Variants in CAST observed in about 807,000 individuals in gnomAD.
CAST encodes the protein MIR583 host.
CAST carries 76 observed loss-of-function variants against 119.6 expected under a neutral mutation model. The ratio of observed to expected loss-of-function variants is 0.64; its 90% CI spans 0.53 to 0.77. The LOEUF is 0.77. Ranked by LOEUF, CAST falls within the 30% of genes least tolerant of loss-of-function variation. CAST has a pLI of 0.00. For synonymous variants in CAST, 319 were observed against 331.6 expected (o/e 0.96, Z 0.41); for missense variants, 953 against 946.5 (o/e 1.01, Z -0.09).
chr5:96,203,157 T>TA, the CAST span, among the ~76,000 whole-genome samples: 1 of 151,986 alleles, frequency 6.6e-6, no homozygotes, highest in Non-Finnish European at 1.5e-5. Flanking sequence ...CTTTTTTTTT[T>TA]ACATAATATA....
the CAST span, among the ~76,000 whole-genome samples, chr5:96,164,135 C>T: frequency 6.6e-6 from 1 of 152,146 alleles, no homozygotes; most frequent in African/African-American, 2.4e-5. Context: ...GTTCTCTACG[C>T]TCTCTCTCAC....
the CAST span, among the ~76,000 whole-genome samples, chr5:96,326,694 C>CTTTTT: frequency 2.7e-5 from 2 of 74,170 alleles, no homozygotes; most frequent in African/African-American, 4.9e-5. Flanking sequence ...TATGGCTTTT[C>CTTTTT]ATTTTTTTTT....
At chr5:95,971,917 G>A in the CAST span, among the ~76,000 whole-genome samples, 1 of 151,226 alleles carries the variant, frequency 6.6e-6, no homozygotes, top group East Asian at 1.9e-4. Context: ...ATTCACAAAT[G>A]GTTTTTATGT....
At chr5:96,425,563 T>G in the CAST span, among the ~76,000 whole-genome samples, 36 of 152,194 alleles carry the variant, frequency 2.4e-4, no homozygotes, top group Non-Finnish European at 4.1e-4. Context: ...TCTGCATTTA[T>G]CCCAAATAAA....
At chr5:96,542,308 C>CAAAAA (rs759173589) in intron 1 of CAST, among the ~76,000 whole-genome samples, 5 of 37,092 alleles carry the variant, frequency 1.3e-4, no homozygotes, top group African/African-American at 3.9e-4. Context: ...GACTTAGTCT[C>CAAAAA]AAAAAAAAAA....
the CAST span, among the ~76,000 whole-genome samples, chr5:96,151,794 A>C: frequency 6.6e-6 from 1 of 152,234 alleles, no homozygotes; most frequent in African/African-American, 2.4e-5. Context: ...AAACAGGATA[A>C]ATGCCTCCTT....
the CAST span, among the ~76,000 whole-genome samples, chr5:96,027,003 G>A: frequency 6.6e-6 from 1 of 152,068 alleles, no homozygotes; most frequent in Non-Finnish European, 1.5e-5. Context: ...TTGAGGCCAA[G>A]AGTTTGAGAC....
At chr5:96,690,177 G>C (rs993958735) in intron 2 of CAST, among the ~76,000 whole-genome samples, 5 of 152,072 alleles carry the variant, frequency 3.3e-5, no homozygotes, top group African/African-American at 1.2e-4. Flanking sequence ...CACCATAGTG[G>C]GTGTTATTAA....
chr5:96,190,412 C>G, the CAST span, among the ~76,000 whole-genome samples: 15,576 of 152,154 alleles, frequency 0.1, 1,057 homozygotes, highest in East Asian at 0.21. Flanking sequence ...CTCCCTGACT[C>G]TGCCTGCCCA....
At chr5:96,025,011 G>C in the CAST span, among the ~76,000 whole-genome samples, 2 of 152,112 alleles carry the variant, frequency 1.3e-5, no homozygotes, top group Admixed American at 6.5e-5. Flanking sequence ...CTGAGTCTCA[G>C]TAAGATTTCT....
the CAST span, among the ~76,000 whole-genome samples, chr5:96,511,874 C>T: frequency 6.8e-3 from 1,030 of 152,358 alleles, 9 homozygotes; most frequent in African/African-American, 0.023. Flanking sequence ...AGCAGAGAAA[C>T]GAAGTCCTTC....
At chr5:96,432,138 C>G in the CAST span, 9 of 1,535,616 alleles carry the variant, frequency 5.9e-6, no homozygotes, top group Middle Eastern at 1.7e-4. Context: ...TTCGGCATCT[C>G]GACCCTGCAG....
In CAST at chr5:96,677,622, G is replaced by A. The variant is rs116516005; in HGVS notation, c.138+2021G>A. Among the ~76,000 whole-genome samples the A allele has an allele frequency of 1.6e-3, 246 of 152,232 alleles. 1 individual carries two copies. Among genetic ancestry groups the A allele is most frequent in the African/African-American group, 5.2e-3 (215 of 41,538 alleles). ...AGCAATTCTGACATTGTTTTATTAC[G>A]TTTCTGGTAAATTCACATTCATGAC... On this transcript the variant is annotated intron_variant, in intron 2 of 31. Coordinates refer to ENST00000675179, the MANE Select transcript of CAST (RefSeq NM_001750.7).
the CAST span, among the ~76,000 whole-genome samples, chr5:96,282,999 G>A: frequency 1.3e-5 from 2 of 150,628 alleles, no homozygotes; most frequent in African/African-American, 4.9e-5. Context: ...GCGTGATGGC[G>A]GGCGCCTGTA....
intron 1 of CAST, among the ~76,000 whole-genome samples, chr5:96,586,665 A>G (rs1366633468): frequency 6.6e-6 from 1 of 152,270 alleles, no homozygotes; most frequent in Non-Finnish European, 1.5e-5. Flanking sequence ...AAGTATTTCC[A>G]AAGGCAGCCA....
chr5:96,040,522 C>G, the CAST span, among the ~76,000 whole-genome samples: 1 of 152,054 alleles, frequency 6.6e-6, no homozygotes, highest in African/African-American at 2.4e-5. Flanking sequence ...TCCTAAATAG[C>G]TCTTTTTATT....
intron 1 of CAST, among the ~76,000 whole-genome samples, chr5:96,631,789 C>T (rs1747822986): frequency 9.2e-5 from 14 of 152,116 alleles, no homozygotes; most frequent in Admixed American, 9.2e-4. Flanking sequence ...GCCTCGGCCT[C>T]CCAAAGTGCT....
the CAST span, among the ~76,000 whole-genome samples, chr5:96,488,386 T>C: frequency 6.6e-6 from 1 of 152,194 alleles, no homozygotes; most frequent in African/African-American, 2.4e-5. Flanking sequence ...ACCCTAAGTA[T>C]TTGCAAAATA....
At chr5:96,602,996 G>A (rs1425813767) in intron 1 of CAST, among the ~76,000 whole-genome samples, 1 of 152,210 alleles carries the variant, frequency 6.6e-6, no homozygotes, top group Non-Finnish European at 1.5e-5. Flanking sequence ...TACAGCTGAA[G>A]CGTGATAAGT....
Sources: allele counts gnomAD v4.1 joint callset (sites outside exome capture counted in the v4.1 genomes callset), GRCh38; gene constraint gnomAD v4.1.1; transcripts MANE v1.5; gene names NCBI Gene and HGNC (gene_info 2026-07-23, HGNC 2026-07-21).